SMURF2: variants seen among roughly 807,000 people sequenced by gnomAD.
SMURF2 encodes SMAD specific E3 ubiquitin protein ligase 2, also known as E3 ubiquitin-protein ligase SMURF2.
A neutral mutation model predicts 109.6 loss-of-function variants in SMURF2; 48 were observed. That is an observed-to-expected ratio of 0.44 (90% CI 0.35 to 0.56). The LOEUF is 0.56. Among genes scored for constraint, SMURF2 ranks in the 20% least tolerant of loss-of-function variants. The pLI is 0.01. For missense variants in SMURF2, 575 were observed against 909.0 expected, an observed-to-expected ratio of 0.63 and a Z score of 4.72; for synonymous variants, 288 against 317.1, an observed-to-expected ratio of 0.91 and a Z score of 0.97.
intron 9 of SMURF2, among the ~76,000 whole-genome samples, chr17:64,573,461 T>C (rs1555685786): frequency 6.6e-6 from 1 of 152,120 alleles, no homozygotes; most frequent in Non-Finnish European, 1.5e-5. Context: ...GGGACCTATA[T>C]TTGCCAAAGC....
chr17:64,605,185 T>A (rs1384251453), intron 2 of SMURF2, among the ~76,000 whole-genome samples: 8 of 152,052 alleles, frequency 5.3e-5, no homozygotes, highest in African/African-American at 1.9e-4. Flanking sequence ...CTGTGGCCAT[T>A]GGGACCTTCC....
At chr17:64,546,369 C>T in intron 17 of SMURF2, 31 bp from the exon 18 acceptor site, 1 of 1,599,924 alleles carries the variant, frequency 6.3e-7, no homozygotes, top group Non-Finnish European at 8.6e-7. Context: ...GATGAAATCA[C>T]TGCAGGTGCG....
intron 5 of SMURF2, among the ~76,000 whole-genome samples, chr17:64,589,390 G>C (rs1221689269): frequency 2.0e-5 from 3 of 147,954 alleles, no homozygotes; most frequent in African/African-American, 7.4e-5. Flanking sequence ...ATTTATTTTT[G>C]AGTTTTTTTT....
chr17:64,652,937 A>G (rs1970658860), intron 1 of SMURF2, among the ~76,000 whole-genome samples: 1 of 152,222 alleles, frequency 6.6e-6, no homozygotes, highest in Non-Finnish European at 1.5e-5. Context: ...ATAAGTTTAA[A>G]TGTATGAGTT....
chr17:64,636,192 C>G (rs1482762444), intron 1 of SMURF2, among the ~76,000 whole-genome samples: 1 of 152,190 alleles, frequency 6.6e-6, no homozygotes, highest in Non-Finnish European at 1.5e-5. Context: ...AGGCTGTTCT[C>G]AGGGGATCCT....
At chr17:64,566,591 TGA>T (rs1378955430) in intron 10 of SMURF2, among the ~76,000 whole-genome samples, 10 of 127,966 alleles carry the variant, frequency 7.8e-5, no homozygotes, top group Non-Finnish European at 1.5e-4. Context: ...TTTTTTTTTT[TGA>T]GACAGTCTCG....
intron 9 of SMURF2, 80 bp downstream of exon 9, chr17:64,578,411 TA>T: frequency 2.1e-6 from 2 of 932,428 alleles, no homozygotes; most frequent in Non-Finnish European, 3.4e-6. Flanking sequence ...TTTTAAAAGG[TA>T]AAAATTTCTT....
At chr17:64,616,276 A>G (rs2144689398) in intron 1 of SMURF2, among the ~76,000 whole-genome samples, 1 of 152,298 alleles carries the variant, frequency 6.6e-6, no homozygotes, top group East Asian at 1.9e-4. Context: ...CACCCTGTGA[A>G]ATAAGTAGTA....
intron 1 of SMURF2, among the ~76,000 whole-genome samples, chr17:64,635,963 TCCA>T (rs1159797109): frequency 1.1e-4 from 17 of 152,350 alleles, no homozygotes; most frequent in Non-Finnish European, 2.5e-4. Flanking sequence ...TTCCAATTTC[TCCA>T]CATCTTTGCT....
intron 8 of SMURF2, among the ~76,000 whole-genome samples, chr17:64,580,147 GAAGTC>G (rs1969558848): frequency 2.6e-5 from 4 of 152,182 alleles, no homozygotes; most frequent in Non-Finnish European, 1.5e-5. Context: ...GCAAGAAGAG[GAAGTC>G]AAGTTCAGAC....
chr17:64,583,340 T>C (rs1034595122), intron 7 of SMURF2, 121 bp downstream of exon 7: 27 of 724,858 alleles, frequency 3.7e-5, no homozygotes, highest in Non-Finnish European at 6.5e-5. Context: ...TGTTATAAGA[T>C]CTACTGATCT....
At chr17:64,552,260 T>C (rs1308801392) in intron 15 of SMURF2, among the ~76,000 whole-genome samples, 2 of 152,234 alleles carry the variant, frequency 1.3e-5, no homozygotes, top group African/African-American at 4.8e-5. Flanking sequence ...ATAAAAATTC[T>C]GGAAGATGTA....
intron 1 of SMURF2, among the ~76,000 whole-genome samples, chr17:64,607,173 C>T (rs1969981870): frequency 6.6e-6 from 1 of 150,528 alleles, no homozygotes; most frequent in Non-Finnish European, 1.5e-5. Flanking sequence ...AGTTAAATGA[C>T]AAGATATGTC....
chr17:64,561,912 A>C (rs1969225724), intron 11 of SMURF2, among the ~76,000 whole-genome samples: 1 of 152,100 alleles, frequency 6.6e-6, no homozygotes, highest in African/African-American at 2.4e-5. Flanking sequence ...AGGTGGGAGG[A>C]CTGCTTGAGC....
intron 10 of SMURF2, among the ~76,000 whole-genome samples, chr17:64,568,376 G>A (rs1434970870): frequency 3.9e-5 from 6 of 152,112 alleles, no homozygotes; most frequent in African/African-American, 1.4e-4. Flanking sequence ...GCCGTGAGTT[G>A]GACAAGCTTG....
At chr17:64,617,508 T>C (rs564298838) in intron 1 of SMURF2, among the ~76,000 whole-genome samples, 3 of 152,250 alleles carry the variant, frequency 2.0e-5, no homozygotes, top group African/African-American at 7.2e-5. Flanking sequence ...TTTGAGATGA[T>C]CTCACTCTGT....
At position 64,621,797 on chromosome 17, in the gene SMURF2, C is replaced by T. The variant is rs1051142344; in HGVS notation, c.53-15157G>A. Among the ~76,000 whole-genome samples, 4 of 150,886 alleles carry T rather than the reference C, an allele frequency of 2.7e-5. No individual in the cohort carries two copies. In the East Asian group the frequency reaches 5.8e-4, roughly 22 times the overall value. On this transcript the variant is annotated intron_variant, in intron 1 of 18. Coordinates refer to ENST00000262435, the MANE Select transcript of SMURF2 (RefSeq NM_022739.4). ...GCTGAGGCAGGAGAATTGCTTGAAC[C>T]GGGACCCGGGAGGCGGAGGTAGCAG...
intron 1 of SMURF2, among the ~76,000 whole-genome samples, chr17:64,608,146 ATACC>A (rs1246041710): frequency 1.3e-5 from 2 of 152,030 alleles, no homozygotes; most frequent in East Asian, 3.8e-4. Flanking sequence ...AGTTCATAAA[ATACC>A]TATGAATGTA....
chr17:64,642,096 C>A (rs1555692603), intron 1 of SMURF2, among the ~76,000 whole-genome samples: 1 of 152,220 alleles, frequency 6.6e-6, no homozygotes, highest in African/African-American at 2.4e-5. Flanking sequence ...CGTGAGCCAT[C>A]ACGCCCGGCC....
Sources: allele counts gnomAD v4.1 joint callset (sites outside exome capture counted in the v4.1 genomes callset), GRCh38; gene constraint gnomAD v4.1.1; transcripts MANE v1.5; gene names NCBI Gene and HGNC (gene_info 2026-07-23, HGNC 2026-07-21).